The following CPXM2 variants were observed in gnomAD, a reference collection of about 807,000 sequenced individuals.
CPXM2 encodes the protein carboxypeptidase X, M14 family member 2, also known as inactive carboxypeptidase-like protein X2.
A neutral mutation model predicts 86.1 loss-of-function variants in CPXM2; 66 were observed. That is an observed-to-expected ratio of 0.77 (90% CI 0.63 to 0.94). The LOEUF (loss-of-function observed/expected upper bound fraction) is 0.94, where lower values mean the gene tolerates loss of function less well. Among genes scored for constraint, CPXM2 ranks in the 40% least tolerant of loss-of-function variants. The pLI is 0.00. For missense variants in CPXM2, 948 were observed against 1,026.3 expected (o/e 0.92, Z 1.04); for synonymous variants, 388 against 400.2 (o/e 0.97, Z 0.36).
intron 3 of CPXM2, among the ~76,000 whole-genome samples, chr10:123,846,142 T>C (rs544282124): frequency 1.1e-4 from 17 of 152,184 alleles, no homozygotes; most frequent in African/African-American, 1.9e-4. Flanking sequence ...GGGGATGGTT[T>C]TGGGATAATT....
intron 6 of CPXM2, among the ~76,000 whole-genome samples, chr10:123,783,347 G>A (rs936822106): frequency 6.6e-6 from 1 of 152,168 alleles, no homozygotes; most frequent in Non-Finnish European, 1.5e-5. Flanking sequence ...GTCTGGATTG[G>A]GACCCCTTTC....
chr10:123,763,461 T>C (rs1221130873), intron 10 of CPXM2, among the ~76,000 whole-genome samples: 3 of 152,028 alleles, frequency 2.0e-5, no homozygotes, highest in Non-Finnish European at 4.4e-5. Flanking sequence ...GTATCCTAAG[T>C]GATGTGATTC....
At position 123,844,780 on chromosome 10, in the gene CPXM2, G is replaced by A. The variant is rs139797162; in HGVS notation, c.514-2292C>T. Among the ~76,000 whole-genome samples the A allele has an allele frequency of 7.2e-3, 1,095 of 152,234 alleles. 14 individuals are homozygous for A. The highest frequency in any genetic ancestry group is 0.025 in the African/African-American group (1,032 of 41,544). On this transcript the variant is annotated intron_variant, in intron 3 of 13. Coordinates refer to ENST00000241305, the MANE Select transcript of CPXM2 (RefSeq NM_198148.3). ...CTCAGCAAGAGAAGGAAGTGCAAAC[G>A]TCAAAACAGCACAATAAGAAGCAAG...
chr10:123,915,389 C>T lies in CPXM2; in HGVS notation n.174+24088G>A, dbSNP rs1165947836. ...ACTGGCCAACATGGCGAAACCCTAT[C>T]GCTACTAAAAATATGAAAATTAACC... On this transcript the variant is annotated intron_variant and non_coding_transcript_variant, in intron 2 of 19. Transcript: ENST00000368854. 2.0e-5 allele frequency among the ~76,000 whole-genome samples: 3 copies of T among 152,208 alleles called. No individual in the cohort carries two copies. In the East Asian group the frequency reaches 5.8e-4, roughly 29 times the overall value.
At chr10:123,856,276 C>A (rs992217718) in intron 3 of CPXM2, among the ~76,000 whole-genome samples, 3 of 152,194 alleles carry the variant, frequency 2.0e-5, no homozygotes, top group African/African-American at 7.2e-5. Context: ...AATTTAAATT[C>A]TTGAGAATGA....
chr10:123,832,037 C>A (rs1003719337), intron 4 of CPXM2, among the ~76,000 whole-genome samples: 4 of 151,624 alleles, frequency 2.6e-5, no homozygotes, highest in African/African-American at 4.9e-5. Context: ...ATTTTGCCAA[C>A]CATGGGCCCC....
intron 13 of CPXM2, among the ~76,000 whole-genome samples, chr10:123,748,898 T>C (rs950236206): frequency 1.3e-5 from 2 of 151,974 alleles, no homozygotes; most frequent in African/African-American, 2.4e-5. Flanking sequence ...CAGTATGTCC[T>C]TGAGAGTGGA....
At position 123,767,153 on chromosome 10, in the gene CPXM2, C is replaced by A; in HGVS notation, c.1300-1G>T. ...GGGACCAGCCTCCCAGCTCCGAGCC[C>A]TGGAGACAAGTGAGAGTGTGAAGAA... is the stretch of plus-strand genomic sequence containing the variant. On this transcript the variant is annotated splice_acceptor_variant, in intron 9 of 13. Transcript: ENST00000241305. LOFTEE classifies it high-confidence loss of function. 1.2e-6 allele frequency: 2 copies of A among 1,613,852 alleles called. No homozygotes were observed. Among genetic ancestry groups the A allele is most frequent in the Non-Finnish European group, 1.7e-6 (2 of 1,179,910 alleles).
chr10:123,811,157 T>C (rs1436279581), intron 4 of CPXM2, among the ~76,000 whole-genome samples: 1 of 152,026 alleles, frequency 6.6e-6, no homozygotes, highest in African/African-American at 2.4e-5. Flanking sequence ...TTTCTTTTTT[T>C]TTTTATTATA....
At chr10:123,789,391 C>A (rs1343521202) in intron 6 of CPXM2, among the ~76,000 whole-genome samples, 6 of 152,236 alleles carry the variant, frequency 3.9e-5, no homozygotes, top group Non-Finnish European at 8.8e-5. Context: ...GTCCAGGAAA[C>A]CCTCTGGTTC....
At chr10:123,913,749 G>C in intron 2 of CPXM2, 1 of 245,346 alleles carries the variant, frequency 4.1e-6, no homozygotes, top group Non-Finnish European at 8.2e-6. Flanking sequence ...GTGAACAAAA[G>C]CTTCTGTTTC....
chr10:123,870,522 T>C (rs138786637), intron 2 of CPXM2, among the ~76,000 whole-genome samples: 307 of 152,332 alleles, frequency 2.0e-3, no homozygotes, highest in African/African-American at 7.0e-3. Context: ...AACTTGACAT[T>C]CCCTTTGATC....
intron 6 of CPXM2, among the ~76,000 whole-genome samples, chr10:123,795,701 A>AG (rs1469772642): frequency 1.6e-4 from 25 of 151,858 alleles, no homozygotes; most frequent in African/African-American, 4.6e-4. Context: ...AGTAACTTCT[A>AG]GAAAAAAAAA....
chr10:123,814,606 T>G (rs1847774190), intron 4 of CPXM2, among the ~76,000 whole-genome samples: 1 of 151,684 alleles, frequency 6.6e-6, no homozygotes, highest in African/African-American at 2.4e-5. Flanking sequence ...ACGATGGAGT[T>G]CTTTCATTGG....
intron 1 of CPXM2, among the ~76,000 whole-genome samples, chr10:123,887,705 AAC>A (rs146619631): frequency 0.023 from 3,526 of 151,202 alleles, 147 homozygotes; most frequent in African/African-American, 0.079. Flanking sequence ...ACGTACACAC[AAC>A]ACACACACAC....
chr10:123,842,607 G>A (rs1848410954), intron 3 of CPXM2, 119 bp from the exon 4 acceptor site: 1 of 1,005,342 alleles, frequency 9.9e-7, no homozygotes, highest in Non-Finnish European at 1.4e-6. Context: ...TGAGGAAGGT[G>A]TTAAAGAAAA....
rs1355268603 is a variant in CPXM2, at chr10:123,754,880, A to G, written c.1918-118T>C. 1.3e-5 allele frequency: 9 copies of G among 691,184 alleles called. No individual in the cohort carries two copies. The highest frequency in any genetic ancestry group is 2.4e-5 in the Non-Finnish European group (9 of 377,706). The allele number at this position is 691,184 out of a possible 1,614,324, so 42.8% of individuals were successfully genotyped here. ...GGTTCCCACCAAGAACTCACACAGC[A>G]CCACGTCTTGCTCAGAAGGCTTGGA... is the stretch of plus-strand genomic sequence containing the variant. On this transcript the variant is annotated intron_variant, in intron 12 of 13. Coordinates refer to ENST00000241305, the MANE Select transcript of CPXM2 (RefSeq NM_198148.3). The surrounding 1 kb of genome is among the most constrained non-coding windows in gnomAD (Gnocchi z 4.0).
intron 2 of CPXM2, among the ~76,000 whole-genome samples, chr10:123,938,712 A>G (rs1457155987): frequency 6.6e-6 from 1 of 152,210 alleles, no homozygotes; most frequent in Non-Finnish European, 1.5e-5. Context: ...CGTCTACCGC[A>G]GCCATCTTGC....
At chr10:123,919,473 G>T (rs1247423600) in intron 2 of CPXM2, among the ~76,000 whole-genome samples, 1 of 149,756 alleles carries the variant, frequency 6.7e-6, no homozygotes, top group Non-Finnish European at 1.5e-5. Context: ...AGAATTTAAA[G>T]CAGGTATGAC....
Sources: allele counts gnomAD v4.1 joint callset (sites outside exome capture counted in the v4.1 genomes callset), GRCh38; gene constraint gnomAD v4.1.1; non-coding constraint Gnocchi (gnomAD v3.1); transcripts MANE v1.5; gene names NCBI Gene and HGNC (gene_info 2026-07-23, HGNC 2026-07-21).